AVEN: variants seen among roughly 807,000 people sequenced by gnomAD.
The protein encoded by AVEN is apoptosis and caspase activation inhibitor.
In AVEN, 41 loss-of-function variants were observed where a neutral mutation model predicts 38.1. The ratio of observed to expected loss-of-function variants is 1.08; its 90% CI spans 0.84 to 1.40. The LOEUF is 1.40. Ranked by LOEUF, AVEN falls within the 40% of genes most tolerant of loss-of-function variation. AVEN has a pLI of 0.00. For synonymous variants in AVEN, 206 were observed against 171.8 expected (o/e 1.20, Z -1.56); for missense variants, 605 against 438.8 (o/e 1.38, Z -3.38).
intron 2 of AVEN, among the ~76,000 whole-genome samples, chr15:33,876,632 G>C (rs1891244073): frequency 6.6e-6 from 1 of 152,024 alleles, no homozygotes; most frequent in Admixed American, 6.5e-5. Flanking sequence ...CCTTGTATTT[G>C]TGGATATACA....
chr15:34,069,896 C>T (rs1237031149), intron 2 of AVEN, among the ~76,000 whole-genome samples: 1 of 152,128 alleles, frequency 6.6e-6, no homozygotes, highest in Non-Finnish European at 1.5e-5. Context: ...AACATCAAAA[C>T]GATATGAGAA....
At chr15:33,959,789 A>T (rs549582592) in intron 2 of AVEN, among the ~76,000 whole-genome samples, 3 of 152,266 alleles carry the variant, frequency 2.0e-5, no homozygotes, top group Admixed American at 6.5e-5. Context: ...TCAGAAAGAC[A>T]TATAAACCAA....
At chr15:33,958,398 G>A (rs781442097) in intron 2 of AVEN, among the ~76,000 whole-genome samples, 1 of 152,018 alleles carries the variant, frequency 6.6e-6, no homozygotes, top group Admixed American at 6.5e-5. Flanking sequence ...TGGCCAACAT[G>A]GCGAAACCCC....
At chr15:33,931,108 G>C (rs867713429) in intron 2 of AVEN, among the ~76,000 whole-genome samples, 1 of 151,828 alleles carries the variant, frequency 6.6e-6, no homozygotes, top group African/African-American at 2.4e-5. Context: ...TTGTCTTTTA[G>C]AATGACTACC....
In AVEN at chr15:34,016,383, G is replaced by A. The variant is rs1271219297; in HGVS notation, c.268-13174C>T. Among the ~76,000 whole-genome samples, 8 of 152,330 alleles carry A rather than the reference G, an allele frequency of 5.3e-5. No homozygotes were observed. The East Asian group carries it at 1.5e-3, about 29-fold the overall frequency. On this transcript the variant is annotated intron_variant, in intron 1 of 5. Coordinates refer to ENST00000306730, the MANE Select transcript of AVEN (RefSeq NM_020371.3). Reference sequence around the variant, plus strand: ...TAAACTTACAATACTAATAGACACTGAGTTGGGCTCGCATGGGTACTGACC... The same window carrying A: ...TAAACTTACAATACTAATAGACACTAAGTTGGGCTCGCATGGGTACTGACC...
At chr15:33,950,963 G>A (rs962293013) in intron 2 of AVEN, among the ~76,000 whole-genome samples, 1 of 151,946 alleles carries the variant, frequency 6.6e-6, no homozygotes, top group African/African-American at 2.4e-5. Flanking sequence ...AGCTATGATT[G>A]CACCACTGCA....
At chr15:33,855,393 G>A (rs944058561), downstream of AVEN, among the ~76,000 whole-genome samples, 9 of 152,086 alleles carry the variant, frequency 5.9e-5, no homozygotes, top group African/African-American at 9.7e-5. Flanking sequence ...TAGTAGAGAC[G>A]GGGTTTCACC....
intron 2 of AVEN, among the ~76,000 whole-genome samples, chr15:33,987,577 G>GTT (rs965594203): frequency 1.3e-5 from 2 of 152,126 alleles, no homozygotes; most frequent in African/African-American, 4.8e-5. Context: ...GCGAACAATG[G>GTT]TTTTTTTCTC....
rs556239178 is a variant in AVEN at position 33,936,789 on chromosome 15, A to C, written c.446-60794T>G. ...GATTTATTGTATAACTTTAATAATT[A>C]AGACCGTACTATTGGTAGAATTAAA... On this transcript the variant is annotated intron_variant, in intron 2 of 5. Coordinates refer to ENST00000306730, the MANE Select transcript of AVEN (RefSeq NM_020371.3). 5.9e-5 allele frequency among the ~76,000 whole-genome samples: 9 copies of C among 152,358 alleles called. No individual in the cohort carries two copies. The East Asian group carries it at 1.5e-3, about 26-fold the overall frequency.
intron 2 of AVEN, among the ~76,000 whole-genome samples, chr15:33,891,323 G>C (rs1891950338): frequency 6.6e-6 from 1 of 152,124 alleles, no homozygotes; most frequent in Non-Finnish European, 1.5e-5. Context: ...ATGTTGGTTT[G>C]TTGCACCCAT....
intron 2 of AVEN, chr15:33,883,543 A>G (rs1891578974): frequency 6.6e-6 from 1 of 152,200 alleles, no homozygotes; most frequent in African/African-American, 2.4e-5. Flanking sequence ...TGAGAAAAGC[A>G]CGCTTCAGTA....
At chr15:34,036,180 C>T (rs1899116981) in intron 1 of AVEN, among the ~76,000 whole-genome samples, 1 of 151,994 alleles carries the variant, frequency 6.6e-6, no homozygotes, top group Non-Finnish European at 1.5e-5. Context: ...TAATTATGCT[C>T]ACCCATAATC....
intron 3 of AVEN, 84 bp downstream of exon 3, chr15:33,875,841 A>G (rs991305228): frequency 2.3e-6 from 3 of 1,295,112 alleles, no homozygotes; most frequent in African/African-American, 1.5e-5. Flanking sequence ...TTCTACATGA[A>G]GACTCTATCT....
intron 2 of AVEN, among the ~76,000 whole-genome samples, chr15:33,886,295 G>A (rs893702317): frequency 3.9e-5 from 6 of 152,066 alleles, no homozygotes; most frequent in Admixed American, 2.0e-4. Context: ...AGTAAGTTCT[G>A]ACAAGATTTG....
chr15:33,987,373 A>AG (rs1679420807), intron 2 of AVEN, among the ~76,000 whole-genome samples: 1 of 152,222 alleles, frequency 6.6e-6, no homozygotes, highest in African/African-American at 2.4e-5. Flanking sequence ...GGGAAGGGAA[A>AG]GGGAAAGGCC....
At chr15:34,051,961 A>T (rs1899937959) in intron 5 of AVEN, among the ~76,000 whole-genome samples, 1 of 152,196 alleles carries the variant, frequency 6.6e-6, no homozygotes. Flanking sequence ...ATCTGAAAAA[A>T]TTGAAAAGGA....
downstream of AVEN, chr15:33,866,067 G>A (rs569222896): frequency 3.0e-3 from 465 of 155,938 alleles, 3 homozygotes; most frequent in Non-Finnish European, 5.4e-3. Flanking sequence ...CAAATACAAT[G>A]AAGTGCCCAC....
At chr15:34,046,238 A>G (rs1166529930) in intron 5 of AVEN, among the ~76,000 whole-genome samples, 1 of 152,030 alleles carries the variant, frequency 6.6e-6, no homozygotes, top group Non-Finnish European at 1.5e-5. Context: ...AAATAAATCA[A>G]TCCATCAGCC....
chr15:33,897,226 G>A (rs563026132), intron 2 of AVEN, among the ~76,000 whole-genome samples: 15 of 152,200 alleles, frequency 9.9e-5, no homozygotes, highest in South Asian at 6.2e-4. Context: ...ACTTACATTT[G>A]TAAAAACTGT....
Sources: gnomAD v4.1 joint callset for allele counts (sites outside exome capture counted in the v4.1 genomes callset) on GRCh38, gnomAD v4.1.1 for gene constraint, MANE v1.5 for transcripts, NCBI Gene and HGNC (gene_info 2026-07-23, HGNC 2026-07-21) for gene names.